BLVRB: variants seen among roughly 807,000 people sequenced by gnomAD.
The protein encoded by BLVRB is flavin reductase (NADPH).
A neutral mutation model predicts 21.1 loss-of-function variants in BLVRB; 25 were observed. That is an observed-to-expected ratio of 1.19 (90% CI 0.86 to 1.66). The LOEUF (loss-of-function observed/expected upper bound fraction) is 1.66, where lower values mean the gene tolerates loss of function less well. Ranked by LOEUF, BLVRB falls within the 40% of genes most tolerant of loss-of-function variation. The probability of loss-of-function intolerance (pLI) is 0.00; values close to 1 mark genes in which losing one functional copy is unlikely to be tolerated. For missense variants in BLVRB, 274 were observed against 282.7 expected (o/e 0.97, Z 0.22); for synonymous variants, 128 against 122.2 (o/e 1.05, Z -0.31).
chr19:40,449,188 G>A (rs2079728041), intron 4 of BLVRB, among the ~76,000 whole-genome samples: 1 of 152,018 alleles, frequency 6.6e-6, no homozygotes, highest in Non-Finnish European at 1.5e-5. Flanking sequence ...GGCCTTTAAA[G>A]TCACCTGGCC....
Position 40,451,302 on chromosome 19 carries a change from C to T in BLVRB, c.463+62G>A. The T allele has an allele frequency of 2.6e-6, 4 of 1,564,722 alleles. No homozygotes were observed. The South Asian group carries it at 4.7e-5, about 18-fold the overall frequency. ...GGTCAGGGAAGGCCTTGCAGATCTC[C>T]CCAGAGGGCAGGAGGGAACAGGCAG... On this transcript the variant is annotated intron_variant, in intron 4 of 4. Transcript: ENST00000263368.
chr19:40,458,398 C>T lies in BLVRB; in HGVS notation c.227G>A (p.Gly76Asp), dbSNP rs2079771949. 1.3e-6 allele frequency: 2 copies of T among 1,588,820 alleles called. No individual in the cohort carries two copies. The highest frequency in any genetic ancestry group is 1.3e-5 in the African/African-American group (1 of 74,456). Residue 76 changes from glycine (G) to aspartate (D), a missense_variant, in exon 2 of 5, where the codon GGC becomes GAC. By Grantham distance (94) the Gly-to-Asp change is moderately conservative. Coordinates refer to ENST00000263368, the MANE Select transcript of BLVRB (RefSeq NM_000713.3). ...AGQDAVIVLL[G>D]TRNDLSPTTV... ...CTCAGTACTGAGGTCATTGCGGGTG[C>T]CCAGCAGCACGATGACAGCGTCCTG...
chr19:40,463,602 CCTT>C (rs1389173685), intron 1 of BLVRB, among the ~76,000 whole-genome samples: 1 of 147,500 alleles, frequency 6.8e-6, no homozygotes, highest in Non-Finnish European at 1.5e-5. Context: ...ATCCCTCCCT[CCTT>C]TTCTTCCTTC....
chr19:40,448,364 G>A (rs1288448061), intron 4 of BLVRB, among the ~76,000 whole-genome samples: 1 of 151,796 alleles, frequency 6.6e-6, no homozygotes, highest in Non-Finnish European at 1.5e-5. Context: ...GCTGAGACAG[G>A]AGTATCACTC....
intron 1 of BLVRB, among the ~76,000 whole-genome samples, chr19:40,462,465 A>C (rs1307592517): frequency 6.6e-6 from 1 of 150,938 alleles, no homozygotes; most frequent in African/African-American, 2.4e-5. Context: ...TTTTTAGTAG[A>C]GATGGGGTTT....
chr19:40,450,842 G>GTATC (rs200198444), intron 4 of BLVRB, among the ~76,000 whole-genome samples: 30,682 of 144,592 alleles, frequency 0.21, 3,288 homozygotes, highest in Admixed American at 0.22. Flanking sequence ...CCTGGCCTAT[G>GTATC]TATCTATCTA....
At chr19:40,456,799 A>G (rs369946149) in intron 3 of BLVRB, among the ~76,000 whole-genome samples, 3 of 152,048 alleles carry the variant, frequency 2.0e-5, no homozygotes, top group East Asian at 1.9e-4. Context: ...GGGCAGGAGA[A>G]TCACTGTGGG....
At position 40,458,468 on chromosome 19, in the gene BLVRB, C is replaced by A. The variant is rs369378608; in HGVS notation, c.157G>T (p.Gly53Ter). ...ACATCGGCTGCCTGCAGAACATCTC[C>A]CACTACCACGTGGGCCGGCCGGGGC... ...EGPRPAHVVV[G>*]DVLQAADVDK... The change falls in exon 2 of 5, where the codon GGA (glycine) becomes TGA (stop). Residue 53 changes from glycine to a stop codon, truncating the protein, a stop_gained. Transcript: ENST00000263368. LOFTEE classifies it high-confidence loss of function. 26 of 1,605,988 alleles carry A rather than the reference C, an allele frequency of 1.6e-5. No individual in the cohort carries two copies. The African/African-American group carries it at 3.5e-4, about 21-fold the overall frequency.
At chr19:40,452,568 T>TA (rs202199523) in intron 3 of BLVRB, among the ~76,000 whole-genome samples, 2,198 of 151,950 alleles carry the variant, frequency 0.014, 34 homozygotes, top group Non-Finnish European at 0.02. Context: ...CTGGCTAATT[T>TA]AAAAAATTTT....
At chr19:40,462,491 G>T (rs1345909202) in intron 1 of BLVRB, among the ~76,000 whole-genome samples, 1 of 150,902 alleles carries the variant, frequency 6.6e-6, no homozygotes, top group Admixed American at 6.6e-5. Context: ...TGTTAGCCAG[G>T]GTGGTCTCGA....
intron 1 of BLVRB, among the ~76,000 whole-genome samples, chr19:40,460,315 C>T (rs1419915578): frequency 2.8e-5 from 4 of 143,748 alleles, no homozygotes; most frequent in African/African-American, 7.8e-5. Flanking sequence ...GGCTGGAGTG[C>T]AGGGGCGCCA....
intron 1 of BLVRB, among the ~76,000 whole-genome samples, chr19:40,461,488 C>T (rs1441561186): frequency 6.8e-6 from 1 of 147,886 alleles, no homozygotes; most frequent in African/African-American, 2.5e-5. Flanking sequence ...GCCCTCTTCA[C>T]CCACAGCACA....
intron 3 of BLVRB, among the ~76,000 whole-genome samples, chr19:40,455,841 C>CAGTG (rs1271455094): frequency 6.6e-6 from 1 of 151,994 alleles, no homozygotes; most frequent in Non-Finnish European, 1.5e-5. Flanking sequence ...TGGCCAGGTG[C>CAGTG]AGTGGCTCAG....
intron 1 of BLVRB, 81 bp from the exon 2 acceptor site, chr19:40,458,626 T>G: frequency 6.9e-7 from 1 of 1,444,800 alleles, no homozygotes; most frequent in Non-Finnish European, 9.2e-7. Flanking sequence ...GAAGCCACCA[T>G]GAACTCTCAA....
intron 3 of BLVRB, among the ~76,000 whole-genome samples, chr19:40,456,768 TC>T (rs2079763824): frequency 6.6e-6 from 1 of 151,956 alleles, no homozygotes; most frequent in African/African-American, 2.4e-5. Flanking sequence ...GCGCCGGTAA[TC>T]CCAGCTACTC....
At chr19:40,452,140 G>T (rs1046851771) in intron 3 of BLVRB, among the ~76,000 whole-genome samples, 6 of 152,116 alleles carry the variant, frequency 3.9e-5, no homozygotes, top group Non-Finnish European at 7.4e-5. Flanking sequence ...ACTCAGGGTA[G>T]AAGCAAAGTC....
intron 3 of BLVRB, among the ~76,000 whole-genome samples, chr19:40,455,468 G>A (rs2079758423): frequency 6.6e-6 from 1 of 152,108 alleles, no homozygotes; most frequent in African/African-American, 2.4e-5. Context: ...CAGCACTTTG[G>A]GAGGCCAGAT....
Position 40,458,521 on chromosome 19 carries a change from C to A in BLVRB, c.104G>T (p.Arg35Leu). The A allele has an allele frequency of 6.2e-7, 1 of 1,610,582 alleles. No individual in the cohort carries two copies. Among genetic ancestry groups the A allele is most frequent in the South Asian group, 1.1e-5 (1 of 90,410 alleles). ...CTCTGATGGCAGCCTGGAGGAGTCC[C>A]GCACCAGCACTGTCACTTCGTAACC... Reference protein sequence around the residue: ...QAGYEVTVLVRDSSRLPSEGP... With the variant: ...QAGYEVTVLVLDSSRLPSEGP... Residue 35 changes from arginine (R) to leucine (L), a missense_variant, in exon 2 of 5, where the codon CGG becomes CTG. Arg to Leu is a moderately radical substitution (Grantham distance 102, BLOSUM62 -2). Transcript: ENST00000263368.
intron 3 of BLVRB, among the ~76,000 whole-genome samples, chr19:40,456,940 AG>A: frequency 6.6e-6 from 1 of 151,776 alleles, no homozygotes; most frequent in East Asian, 1.9e-4. Flanking sequence ...AAGACATGGG[AG>A]AAAAAAACAA....
Sources: allele counts gnomAD v4.1 joint callset (sites outside exome capture counted in the v4.1 genomes callset), GRCh38; gene constraint gnomAD v4.1.1; transcripts MANE v1.5; gene names NCBI Gene and HGNC (gene_info 2026-07-23, HGNC 2026-07-21).